PA2G4: variants seen among roughly 807,000 people sequenced by gnomAD.
PA2G4 encodes the protein proliferation-associated 2G4, also known as proliferation-associated protein 2G4.
In PA2G4, 8 loss-of-function variants were observed where a neutral mutation model predicts 53.3. The observed-to-expected ratio is 0.15, with a 90% CI of 0.09 to 0.27. The LOEUF (loss-of-function observed/expected upper bound fraction) is 0.27, where lower values mean the gene tolerates loss of function less well. PA2G4 is among the 10% of genes least tolerant of loss of function. The probability of loss-of-function intolerance (pLI) is 1.00; values close to 1 mark genes in which losing one functional copy is unlikely to be tolerated. For synonymous variants in PA2G4, 143 were observed against 169.8 expected, an observed-to-expected ratio of 0.84 and a Z score of 1.23; for missense variants, 208 against 486.8, an observed-to-expected ratio of 0.43 and a Z score of 5.39.
chr12:56,111,970 T>C (rs1046095492), intron 12 of PA2G4, among the ~76,000 whole-genome samples: 4 of 151,934 alleles, frequency 2.6e-5, no homozygotes, highest in Admixed American at 6.5e-5. Context: ...CAAAATTAGC[T>C]GGGTGTGGTG....
At chr12:56,106,755 C>G (rs1869311192) in intron 2 of PA2G4, 39 bp downstream of exon 2, 1 of 1,571,272 alleles carries the variant, frequency 6.4e-7, no homozygotes, top group African/African-American at 1.4e-5. Flanking sequence ...TCCGTTTGAC[C>G]CTTATTTGGT....
rs1869478707 is a variant in PA2G4, at chr12:56,113,633, A to T, written c.*745A>T. ...CCATCTTACACAGACCTGAGCTGGAAGCTCAACTGGTTTTGTTCCCTGTTT... is the reference window on the plus strand; with the variant it reads ...CCATCTTACACAGACCTGAGCTGGATGCTCAACTGGTTTTGTTCCCTGTTT... On this transcript the variant is annotated 3_prime_UTR_variant, in exon 13 of 13. Transcript: ENST00000303305. The T allele has an allele frequency of 8.6e-6, 5 of 582,620 alleles. No individual in the cohort carries two copies. The highest frequency in any genetic ancestry group is 1.5e-5 in the Non-Finnish European group (5 of 331,266). The allele number at this position is 582,620 out of a possible 1,614,324, so 36.1% of individuals were successfully genotyped here.
chr12:56,110,728 C>G (rs1869402667), intron 9 of PA2G4, 36 bp downstream of exon 9: 1 of 1,612,346 alleles, frequency 6.2e-7, no homozygotes, highest in Non-Finnish European at 8.5e-7. Flanking sequence ...ACCAGTCTGA[C>G]TCACAGACCA....
intron 1 of PA2G4, chr12:56,106,023 T>G (rs1348732274): frequency 6.6e-6 from 1 of 152,184 alleles, no homozygotes; most frequent in Non-Finnish European, 1.5e-5. Context: ...ACTAGTGGTT[T>G]GAATCAGAAA....
chr12:56,110,733 A>G (rs1241648622), intron 9 of PA2G4, 41 bp downstream of exon 9: 44 of 1,611,814 alleles, frequency 2.7e-5, no homozygotes, highest in Middle Eastern at 1.6e-4. Flanking sequence ...TCTGACTCAC[A>G]GACCATACAC....
At chr12:56,109,405 A>G in intron 6 of PA2G4, 112 bp downstream of exon 6, 1 of 707,334 alleles carries the variant, frequency 1.4e-6, no homozygotes, top group South Asian at 1.4e-5. Context: ...GGATCACCTG[A>G]GGTCAGGAGT....
rs760081506 is a variant in PA2G4 at position 56,110,955 on chromosome 12, C to T, written c.843-9C>T. The stretch of plus-strand genomic sequence containing the variant: ...TAAAGATACCTCTGAATATCATCTT[C>T]CCTGCCAGAGCATTTGAAGATGAGA... On this transcript the variant is annotated splice_polypyrimidine_tract_variant and intron_variant, in intron 9 of 12. Coordinates refer to ENST00000303305, the MANE Select transcript of PA2G4 (RefSeq NM_006191.3). 5.0e-6 allele frequency: 8 copies of T among 1,611,360 alleles called. No individual in the cohort carries two copies. In the South Asian group the frequency reaches 8.8e-5, roughly 18 times the overall value.
At chr12:56,106,470 A>T in intron 1 of PA2G4, 118 bp from the exon 2 acceptor site, 1 of 1,155,742 alleles carries the variant, frequency 8.7e-7, no homozygotes, top group East Asian at 2.8e-5. Flanking sequence ...TTTCAGCCTC[A>T]GGGCAATGGC....
chr12:56,106,547 T>C (rs907335137), intron 1 of PA2G4, 41 bp from the exon 2 acceptor site: 2 of 1,486,402 alleles, frequency 1.3e-6, no homozygotes, highest in African/African-American at 2.9e-5. Flanking sequence ...AACTAGACAA[T>C]GAATACATAC....
At chr12:56,111,143 G>A (rs771457994) in intron 10 of PA2G4, 39 bp from the exon 11 acceptor site, 1 of 1,614,062 alleles carries the variant, frequency 6.2e-7, no homozygotes, top group Non-Finnish European at 8.5e-7. Context: ...GTATGACAAA[G>A]GAACTTTTTA....
At chr12:56,107,424 G>A in intron 4 of PA2G4, 97 bp from the exon 5 acceptor site, 2 of 1,018,298 alleles carry the variant, frequency 2.0e-6, no homozygotes, top group Admixed American at 1.8e-5. Flanking sequence ...CTGTTCATTG[G>A]CTGGTCTTCG....
At chr12:56,106,956 G>A (rs763434185) in intron 2 of PA2G4, 34 bp from the exon 3 acceptor site, 1 of 1,544,276 alleles carries the variant, frequency 6.5e-7, no homozygotes, top group Admixed American at 1.7e-5. Flanking sequence ...CCGGGAGACA[G>A]CAAGGCAGTA....
chr12:56,110,935 A>G, intron 9 of PA2G4, 29 bp from the exon 10 acceptor site: 3 of 1,597,094 alleles, frequency 1.9e-6, no homozygotes, highest in Middle Eastern at 2.2e-4. Flanking sequence ...GGAGTTAAAG[A>G]TACCTCTGAA....
chr12:56,112,662 G>A (rs1869454654), intron 12 of PA2G4, among the ~76,000 whole-genome samples, 161 bp from the exon 13 acceptor site: 1 of 152,136 alleles, frequency 6.6e-6, no homozygotes, highest in South Asian at 2.1e-4. Flanking sequence ...AGGCTGAGGT[G>A]AGAGGATCAC....
At chr12:56,106,418 C>T (rs760759472) in intron 1 of PA2G4, 170 bp from the exon 2 acceptor site, 42 of 646,698 alleles carry the variant, frequency 6.5e-5, no homozygotes, top group Non-Finnish European at 9.0e-5. Flanking sequence ...TTGTATATAC[C>T]CAGTTGTCAC....
chr12:56,110,934 G>A (rs775475301), intron 9 of PA2G4, 30 bp from the exon 10 acceptor site: 4 of 1,596,036 alleles, frequency 2.5e-6, no homozygotes, highest in African/African-American at 1.3e-5. Flanking sequence ...GGGAGTTAAA[G>A]ATACCTCTGA....
In PA2G4 at chr12:56,108,828, T is replaced by C. The variant is rs186755179; in HGVS notation, c.487-402T>C. On this transcript the variant is annotated intron_variant, in intron 5 of 12. Transcript: ENST00000303305. ...ACAATCATTGGGGCTTGATGGAGGA[T>C]ATTAGAACGCTCAGTTCTGCCAGGT... Among the ~76,000 whole-genome samples the C allele has an allele frequency of 2.0e-5, 3 of 152,262 alleles. No homozygotes were observed. In the East Asian group the frequency reaches 5.8e-4, roughly 29 times the overall value.
chr12:56,104,946 C>T (rs1239788438), intron 1 of PA2G4, 121 bp downstream of exon 1: 3 of 920,244 alleles, frequency 3.3e-6, no homozygotes, highest in African/African-American at 1.6e-5. Flanking sequence ...CGCACCGGTC[C>T]GCTGGGCACG....
Position 56,106,711 on chromosome 12 carries a change from A to G in PA2G4, c.212A>G (p.Lys71Arg). ...ATCTTCAAGAAAGAAAAGGAAATGA[A>G]GAAAGGTAAAAAAAAAAAATCCCTC... ...GKIFKKEKEM[K>R]KGIAFPTSIS... Residue 71 changes from lysine to arginine, a missense_variant, in exon 2 of 13, where the codon AAG (lysine) becomes AGG (arginine). Physicochemically the swap from Lys to Arg is conservative, Grantham distance 26 (BLOSUM62 2). This residue lies in a region of PA2G4 where 143 missense variants were observed against 386.8 expected (regional missense o/e 0.37). Transcript: ENST00000303305. 1 of 1,578,712 alleles carries G rather than the reference A, an allele frequency of 6.3e-7. No homozygotes were observed.
Sources: gnomAD v4.1 joint callset for allele counts (sites outside exome capture counted in the v4.1 genomes callset) on GRCh38, gnomAD v4.1.1 for gene constraint, gnomAD v4.1.1 regional missense constraint, MANE v1.5 for transcripts, NCBI Gene and HGNC (gene_info 2026-07-23, HGNC 2026-07-21) for gene names.